The following PRKCI variants were observed in gnomAD, a reference collection of about 807,000 sequenced individuals.
PRKCI encodes protein kinase C iota, also known as protein kinase C iota type.
A neutral mutation model predicts 84.0 loss-of-function variants in PRKCI; 43 were observed. The observed-to-expected ratio is 0.51, with a 90% CI of 0.40 to 0.66. PRKCI has a LOEUF of 0.66. PRKCI is among the 30% of genes least tolerant of loss of function. PRKCI has a pLI of 0.00. For missense variants in PRKCI, 459 were observed against 745.6 expected, an observed-to-expected ratio of 0.62 and a Z score of 4.48; for synonymous variants, 216 against 234.4, an observed-to-expected ratio of 0.92 and a Z score of 0.72.
At chr3:170,262,908 C>T (rs1428103972) in intron 3 of PRKCI, among the ~76,000 whole-genome samples, 2 of 150,154 alleles carry the variant, frequency 1.3e-5, no homozygotes, top group African/African-American at 4.9e-5. Flanking sequence ...CGGTGACTCA[C>T]GCCTGTAATC....
At chr3:170,269,309 G>A (rs1050727947) in intron 5 of PRKCI, among the ~76,000 whole-genome samples, 1 of 152,140 alleles carries the variant, frequency 6.6e-6, no homozygotes, top group Non-Finnish European at 1.5e-5. Flanking sequence ...AATGTAAATA[G>A]AAACCACCAC....
chr3:170,273,375 C>A, intron 7 of PRKCI, 35 bp downstream of exon 7: 1 of 1,590,844 alleles, frequency 6.3e-7, no homozygotes, highest in Non-Finnish European at 8.6e-7. Flanking sequence ...ATTGTTCATT[C>A]ACAGAGTAGC....
intron 10 of PRKCI, chr3:170,281,514 T>G (rs1734247347): frequency 2.3e-6 from 1 of 426,754 alleles, no homozygotes; most frequent in South Asian, 5.2e-5. Context: ...AAATCCAACC[T>G]TTTAAATATC....
intron 1 of PRKCI, among the ~76,000 whole-genome samples, chr3:170,226,377 T>C (rs1732628832): frequency 6.6e-6 from 1 of 152,200 alleles, no homozygotes; most frequent in East Asian, 1.9e-4. Flanking sequence ...GCTAGTAGTT[T>C]GGAGGAAGAG....
chr3:170,272,973 T>G (rs1451009061), intron 6 of PRKCI, among the ~76,000 whole-genome samples: 1 of 152,140 alleles, frequency 6.6e-6, no homozygotes, highest in Non-Finnish European at 1.5e-5. Context: ...TTGCCAAAGA[T>G]CTGAAGTGGA....
At chr3:170,238,800 C>G (rs973578203) in intron 2 of PRKCI, among the ~76,000 whole-genome samples, 1 of 152,216 alleles carries the variant, frequency 6.6e-6, no homozygotes, top group Admixed American at 6.5e-5. Context: ...CCATGTTGGC[C>G]AGGCTGGTCT....
At chr3:170,299,496 G>A (rs1734770021) in intron 17 of PRKCI, among the ~76,000 whole-genome samples, 1 of 152,210 alleles carries the variant, frequency 6.6e-6, no homozygotes, top group Non-Finnish European at 1.5e-5. Context: ...TAAAGTGCTG[G>A]GATTACAGGC....
In PRKCI at chr3:170,259,973, C is replaced by T. The variant is rs760374153; in HGVS notation, c.228C>T (p.Asp76=). The change falls in exon 3 of 18, where the codon GAC becomes GAT. Residue 76 remains aspartate (D), a synonymous_variant. Coordinates refer to ENST00000295797, the MANE Select transcript of PRKCI (RefSeq NM_002740.6). ...CTTTACTTTTGTGTTTTTTAGGAGA[C>T]CCGTGTACAGTATCATCTCAGTTGG... ...FTMKWIDEEG[D]PCTVSSQLEL... is the part of the protein sequence containing the mutation. The T allele has an allele frequency of 1.2e-6, 2 of 1,609,488 alleles. No individual in the cohort carries two copies. Among genetic ancestry groups the T allele is most frequent in the Non-Finnish European group, 1.7e-6 (2 of 1,177,546 alleles).
At chr3:170,294,459 T>G (rs1246436806) in intron 14 of PRKCI, among the ~76,000 whole-genome samples, 1 of 152,230 alleles carries the variant, frequency 6.6e-6, no homozygotes, top group East Asian at 1.9e-4. Flanking sequence ...GAATGCACAT[T>G]AAATGTTAAT....
intron 5 of PRKCI, among the ~76,000 whole-genome samples, chr3:170,269,969 A>G (rs1477087240): frequency 6.6e-6 from 1 of 151,930 alleles, no homozygotes; most frequent in Admixed American, 6.6e-5. Context: ...AAAAAAAAAA[A>G]AGAAAGAAAA....
intron 1 of PRKCI, among the ~76,000 whole-genome samples, chr3:170,228,038 GGAAGA>G (rs1302384040): frequency 1.3e-5 from 2 of 152,142 alleles, no homozygotes; most frequent in African/African-American, 2.4e-5. Flanking sequence ...TGGGGAATGT[GGAAGA>G]GATTTGTGGG....
At chr3:170,293,883 G>A (rs900809308) in intron 14 of PRKCI, among the ~76,000 whole-genome samples, 2 of 152,136 alleles carry the variant, frequency 1.3e-5, no homozygotes, top group Admixed American at 1.3e-4. Flanking sequence ...GTCTCACCAT[G>A]TTGGCCAGGC....
intron 7 of PRKCI, 133 bp from the exon 8 acceptor site, chr3:170,275,095 GA>G: frequency 9.1e-7 from 1 of 1,103,954 alleles, no homozygotes. Context: ...TTTAAATAAT[GA>G]AAATTTATTC....
chr3:170,280,906 A>T (rs1004953634), intron 9 of PRKCI, among the ~76,000 whole-genome samples: 1 of 152,098 alleles, frequency 6.6e-6, no homozygotes, highest in Non-Finnish European at 1.5e-5. Context: ...AGATTTTTTT[A>T]AAAAAACAAA....
intron 9 of PRKCI, 28 bp downstream of exon 9, chr3:170,280,431 A>C: frequency 6.4e-7 from 1 of 1,562,000 alleles, no homozygotes; most frequent in East Asian, 2.3e-5. Context: ...TATTGCTTCT[A>C]AACTGCTTGA....
At position 170,303,460 on chromosome 3, in the gene PRKCI, A is replaced by G. The variant is rs371009981; in HGVS notation, c.*333A>G. 38 of 242,180 alleles carry G rather than the reference A, an allele frequency of 1.6e-4. No homozygotes were observed. The highest frequency in any genetic ancestry group is 5.0e-4 in the African/African-American group (23 of 45,676). 15.0% of individuals were successfully genotyped at this position (242,180 alleles called of 1,614,324 possible). A position where few individuals can be genotyped will look rare whatever the true frequency, so the allele number is the denominator to read the frequency against. ...AAGTATCTGTTGCATTAAGGCACAT[A>G]GTGGGATTACATCATAAACCTCCCA... On this transcript the variant is annotated 3_prime_UTR_variant, in exon 18 of 18. Transcript: ENST00000295797.
At chr3:170,232,932 A>G (rs1434324985) in intron 1 of PRKCI, among the ~76,000 whole-genome samples, 2 of 151,972 alleles carry the variant, frequency 1.3e-5, no homozygotes, top group Non-Finnish European at 1.5e-5. Context: ...TTATTGTTAC[A>G]TTCATATTTC....
At position 170,275,187 on chromosome 3, in the gene PRKCI, CTTT is replaced by C. The variant is rs138637605; in HGVS notation, c.647-26_647-24del. The C allele has an allele frequency of 1.0e-2, 12,931 of 1,296,906 alleles. 39 individuals carry two copies. Among genetic ancestry groups the C allele is most frequent in the African/African-American group, 0.064 (3,730 of 58,664 alleles). The allele number at this position is 1,296,906 out of a possible 1,614,324, so 80.3% of individuals were successfully genotyped here. On this transcript the variant is annotated intron_variant, in intron 7 of 17. Transcript: ENST00000295797. ...TGGTTGCTGTTTTTTTCTCCTGCAC[CTTT>C]TTTTTTTTTTTTTTTAATGTTTGGT...
chr3:170,279,487 CA>C (rs1165825389), intron 8 of PRKCI, among the ~76,000 whole-genome samples: 1 of 152,170 alleles, frequency 6.6e-6, no homozygotes, highest in Non-Finnish European at 1.5e-5. Context: ...ACTTTATTCT[CA>C]TGGGTCCATT....
Sources: gnomAD v4.1 joint callset for allele counts (sites outside exome capture counted in the v4.1 genomes callset) on GRCh38, gnomAD v4.1.1 for gene constraint, MANE v1.5 for transcripts, NCBI Gene and HGNC (gene_info 2026-07-23, HGNC 2026-07-21) for gene names.